ULK1: variants seen among roughly 807,000 people sequenced by gnomAD.
ULK1 encodes the protein serine/threonine-protein kinase ULK1.
Under a neutral mutation model 117.5 loss-of-function variants are expected in ULK1, and 48 were observed. The observed-to-expected ratio is 0.41, with a 90% CI of 0.32 to 0.52. The LOEUF (loss-of-function observed/expected upper bound fraction) is 0.52, where lower values mean the gene tolerates loss of function less well. Among genes scored for constraint, ULK1 ranks in the 20% least tolerant of loss-of-function variants. The pLI is 0.29. For missense variants in ULK1, 1,387 were observed against 1,473.4 expected, an observed-to-expected ratio of 0.94 and a Z score of 0.96; for synonymous variants, 790 against 637.8, an observed-to-expected ratio of 1.24 and a Z score of -3.60.
At chr12:131,911,899 A>T in intron 12 of ULK1, 43 bp from the exon 13 acceptor site, 1 of 1,612,462 alleles carries the variant, frequency 6.2e-7, no homozygotes, top group Non-Finnish European at 8.5e-7. Flanking sequence ...CTGAGTGTGT[A>T]GGTCCCTGAG....
chr12:131,898,412 G>C (rs1306100852), intron 3 of ULK1, among the ~76,000 whole-genome samples: 2 of 152,156 alleles, frequency 1.3e-5, no homozygotes, highest in African/African-American at 4.8e-5. Context: ...CCAAGCATGT[G>C]TCTCCCTAGG....
At chr12:131,909,642 C>T (rs1019404105) in intron 8 of ULK1, 133 bp from the exon 9 acceptor site, 9 of 956,820 alleles carry the variant, frequency 9.4e-6, no homozygotes, top group East Asian at 5.4e-5. Context: ...CAAACAGCCG[C>T]GCTAGCACCC....
Position 131,915,130 on chromosome 12 carries a change from C to T in ULK1, c.1421C>T (p.Ala474Val). ...GGCAGCACCAGCCCCCTGGGCTTTG[C>T]AAGGGCCAGCCCCTCGCCCCCTGCC... ...RSGSTSPLGF[A>V]RASPSPPAHA... is the part of the protein sequence containing the mutation. Residue 474 changes from alanine to valine, a missense_variant, in exon 17 of 28, where the codon GCA (alanine) becomes GTA (valine). This residue lies in a region of ULK1 where 900 missense variants were observed against 858.9 expected (regional missense o/e 1.05). Transcript: ENST00000321867. The T allele has an allele frequency of 1.3e-6, 2 of 1,596,800 alleles. No individual in the cohort carries two copies. Among genetic ancestry groups the T allele is most frequent in the East Asian group, 2.2e-5 (1 of 44,710 alleles).
At chr12:131,895,242 AC>A in intron 1 of ULK1, 130 bp downstream of exon 1, 1 of 546,026 alleles carries the variant, frequency 1.8e-6, no homozygotes, top group Non-Finnish European at 2.8e-6. Flanking sequence ...TTCCAGGCCG[AC>A]CCCCACCCCA....
rs780528784 is a variant in ULK1, at chr12:131,919,478, G to A, written c.2691G>A (p.Ala897=). The A allele has an allele frequency of 1.6e-5, 25 of 1,610,414 alleles. No homozygotes were observed. The highest frequency in any genetic ancestry group is 5.3e-5 in the African/African-American group (4 of 75,018). ...ATCTGCCTGCCGCCCCCAGCTTCGC[G>A]GAACAGCTGGTGCTGTACCTGAAGG... ...ISLLSREWGF[A]EQLVLYLKVA... Residue 897 remains alanine (A), a synonymous_variant, in exon 25 of 28, where the codon GCG becomes GCA. Transcript: ENST00000321867.
At position 131,910,943 on chromosome 12, in the gene ULK1, AT is replaced by A. The variant is rs1364521667; in HGVS notation, c.948+144del. On this transcript the variant is annotated intron_variant, in intron 12 of 27. Transcript: ENST00000321867. ...GACATGGATGAGTTCATTCTGTCAG[AT>A]GTTGAAGCCCCACAAACGGGTGACA... is the stretch of plus-strand genomic sequence containing the variant. The A allele has an allele frequency of 1.3e-5, 19 of 1,448,226 alleles. No individual in the cohort carries two copies. The East Asian group carries it at 4.5e-4, about 34-fold the overall frequency. The allele number at this position is 1,448,226 out of a possible 1,614,324, so 89.7% of individuals were successfully genotyped here. A position where few individuals can be genotyped will look rare whatever the true frequency, so the allele number is the denominator to read the frequency against.
chr12:131,909,321 T>A (rs1889416780), intron 8 of ULK1, 84 bp downstream of exon 8: 3 of 1,412,932 alleles, frequency 2.1e-6, no homozygotes, highest in Admixed American at 2.5e-5. Context: ...CTGCGAGCCC[T>A]GCCCGCGCCC....
At position 131,918,689 on chromosome 12, in the gene ULK1, C is replaced by T. The variant is rs759713960; in HGVS notation, c.2511+8C>T. ...GAGGAGACCCTCATGGAGGTGAGGG[C>T]TGGAGTGAGCAAAGGTTCCCATTCT... On this transcript the variant is annotated splice_region_variant and intron_variant, in intron 23 of 27. Transcript: ENST00000321867. The T allele has an allele frequency of 4.3e-5, 59 of 1,387,302 alleles. No homozygotes were observed. Among genetic ancestry groups the T allele is most frequent in the Non-Finnish European group, 5.0e-5 (52 of 1,039,840 alleles). 85.9% of individuals were successfully genotyped at this position (1,387,302 alleles called of 1,614,324 possible). A position where few individuals can be genotyped will look rare whatever the true frequency, so the allele number is the denominator to read the frequency against.
chr12:131,918,782 TGTGGGGTGTCGGGG>T (rs1351134302), intron 23 of ULK1, 101 bp downstream of exon 23: 18 of 939,578 alleles, frequency 1.9e-5, no homozygotes, highest in Admixed American at 1.2e-4. Context: ...GGGTGTCGGG[TGTGGGGTGTCGGGG>T]GTGTGGGGTG....
chr12:131,916,611 CT>C lies in ULK1; in HGVS notation c.2072+22del. 1 of 1,537,452 alleles carries C rather than the reference CT, an allele frequency of 6.5e-7. No homozygotes were observed. Among genetic ancestry groups the C allele is most frequent in the South Asian group, 1.2e-5 (1 of 84,538 alleles). On this transcript the variant is annotated intron_variant, in intron 20 of 27. Transcript: ENST00000321867. Reference sequence around the variant, plus strand: ...TGGCCGGTGAGTTGAGGGGACAGGCCTTGGACGGGCTTCTGAGGGGCAGCCT... The same window carrying C: ...TGGCCGGTGAGTTGAGGGGACAGGCCTGGACGGGCTTCTGAGGGGCAGCCT...
rs751743260 is a variant in ULK1 at position 131,916,031 on chromosome 12, C to G, written c.1750C>G (p.Pro584Ala). 1.9e-6 allele frequency: 3 copies of G among 1,612,222 alleles called. No individual in the cohort carries two copies. The African/African-American group carries it at 4.0e-5, about 22-fold the overall frequency. Residue 584 changes from proline (P) to alanine (A), a missense_variant, in exon 19 of 28, where the codon CCA (proline) becomes GCA (alanine). This residue lies in a region of ULK1 where 900 missense variants were observed against 858.9 expected (regional missense o/e 1.05). Coordinates refer to ENST00000321867, the MANE Select transcript of ULK1 (RefSeq NM_003565.4). ...PTDPLGAVFSPPQASPPQPSH... is the reference protein window; with the variant it reads ...PTDPLGAVFSAPQASPPQPSH... The stretch of plus-strand genomic sequence containing the variant: ...GGACCCCCTGGGAGCTGTGTTCAGC[C>G]CACCACAGGCCAGCCCTCCCCAGCC...
At chr12:131,906,762 C>T (rs1164911913) in intron 3 of ULK1, 130 bp from the exon 4 acceptor site, 5 of 1,156,336 alleles carry the variant, frequency 4.3e-6, no homozygotes, top group African/African-American at 1.5e-5. Context: ...CCTCGTCTCC[C>T]GGCCGCTGGC....
chr12:131,907,003 G>C, intron 4 of ULK1, 79 bp downstream of exon 4: 3 of 1,587,608 alleles, frequency 1.9e-6, no homozygotes, highest in Non-Finnish European at 8.6e-7. Flanking sequence ...GACATGGCTG[G>C]GGGGAGGGTG....
rs751003246 is a variant in ULK1 at position 131,921,804 on chromosome 12, G to A, written c.*443G>A. The A allele has an allele frequency of 3.5e-5, 17 of 492,020 alleles. No individual in the cohort carries two copies. The highest frequency in any genetic ancestry group is 1.7e-4 in the South Asian group (11 of 64,876). The allele number at this position is 492,020 out of a possible 1,614,324, so 30.5% of individuals were successfully genotyped here. A position where few individuals can be genotyped will look rare whatever the true frequency, so the allele number is the denominator to read the frequency against. On this transcript the variant is annotated 3_prime_UTR_variant, in exon 28 of 28. Coordinates refer to ENST00000321867, the MANE Select transcript of ULK1 (RefSeq NM_003565.4). The stretch of plus-strand genomic sequence containing the variant: ...CCAGTCTCCAGGAGCCTCTCCCTCC[G>A]AGATACCCACCCAGCTTTGTCAATC...
rs1232655255 is a variant in ULK1 at position 131,894,656 on chromosome 12, C to A, written c.-346C>A. On this transcript the variant is annotated 5_prime_UTR_variant, in exon 1 of 28. Transcript: ENST00000321867. ...GCGCGGGCGTCTCAGGCTCTGAGGC[C>A]CGGGCGCCGCGGCTCTTTTGTTTCT... The A allele has an allele frequency of 6.6e-6, 1 of 151,424 alleles. No individual in the cohort carries two copies. The highest frequency in any genetic ancestry group is 1.5e-5 in the Non-Finnish European group (1 of 67,758). 9.4% of individuals were successfully genotyped at this position (151,424 alleles called of 1,614,324 possible). A position where few individuals can be genotyped will look rare whatever the true frequency, so the allele number is the denominator to read the frequency against.
At chr12:131,897,753 GA>G (rs62937360) in intron 3 of ULK1, 13 of 151,858 alleles carry the variant, frequency 8.6e-5, no homozygotes, top group African/African-American at 2.2e-4. Flanking sequence ...GAAAAAAAAA[GA>G]AAAAAAATTA....
At chr12:131,895,923 G>A (rs1888847572) in intron 3 of ULK1, 99 bp downstream of exon 3, 1 of 1,517,240 alleles carries the variant, frequency 6.6e-7, no homozygotes, top group Admixed American at 1.7e-5. Flanking sequence ...GCCTGTCCAG[G>A]CTGGGGTCTA....
chr12:131,897,965 A>C (rs1225536422), intron 3 of ULK1: 1 of 152,242 alleles, frequency 6.6e-6, no homozygotes, highest in African/African-American at 2.4e-5. Context: ...CTGTAAGCAC[A>C]GTGGTCGAGA....
intron 5 of ULK1, 70 bp downstream of exon 5, chr12:131,907,601 C>A: frequency 6.4e-7 from 1 of 1,551,818 alleles, no homozygotes; most frequent in Non-Finnish European, 8.7e-7. Context: ...GCCACACTGG[C>A]CCAGTCTGGG....
Sources: gnomAD v4.1 joint callset for allele counts (sites outside exome capture counted in the v4.1 genomes callset) on GRCh38, gnomAD v4.1.1 for gene constraint, gnomAD v4.1.1 regional missense constraint, MANE v1.5 for transcripts, NCBI Gene and HGNC (gene_info 2026-07-23, HGNC 2026-07-21) for gene names.